Variants in SOX5 observed in about 807,000 individuals in gnomAD.
SOX5 encodes transcription factor SOX-5.
In SOX5, 9 loss-of-function variants were observed where a neutral mutation model predicts 92.0. The observed-to-expected ratio is 0.10, with a 90% confidence interval of 0.06 to 0.17. The LOEUF (loss-of-function observed/expected upper bound fraction) is 0.17. SOX5 is among the 10% of genes least tolerant of loss of function. The pLI is 1.00. For missense variants in SOX5, 642 were observed against 944.5 expected, an observed-to-expected ratio of 0.68 and a Z score of 4.20; for synonymous variants, 344 against 336.3, an observed-to-expected ratio of 1.02 and a Z score of -0.25.
At chr12:24,219,168 A>AG (rs1348508368) in intron 3 of SOX5, among the ~76,000 whole-genome samples, 1 of 152,060 alleles carries the variant, frequency 6.6e-6, no homozygotes, top group African/African-American at 2.4e-5. Flanking sequence ...ATTTTGAAAG[A>AG]GGGGGAATAA....
chr12:23,668,550 T>C (rs1454857708), intron 6 of SOX5, among the ~76,000 whole-genome samples: 2 of 152,208 alleles, frequency 1.3e-5, no homozygotes, highest in Non-Finnish European at 2.9e-5. Flanking sequence ...GGTTAGTAAT[T>C]CATTCTATAT....
chr12:24,304,588 T>C (rs1229419512), intron 2 of SOX5, among the ~76,000 whole-genome samples: 4 of 152,142 alleles, frequency 2.6e-5, no homozygotes, highest in African/African-American at 9.7e-5. Context: ...CACTGGTGTT[T>C]TGCAGACCTC....
intron 3 of SOX5, among the ~76,000 whole-genome samples, chr12:23,801,031 A>C (rs1361917673): frequency 6.6e-6 from 1 of 152,060 alleles, no homozygotes; most frequent in East Asian, 1.9e-4. Flanking sequence ...AAAACACTAT[A>C]CTGTTGCAGC....
intron 2 of SOX5, among the ~76,000 whole-genome samples, chr12:24,302,713 T>C (rs1948122251): frequency 6.6e-6 from 1 of 152,050 alleles, no homozygotes; most frequent in Admixed American, 6.5e-5. Context: ...GAAAAATGAA[T>C]GGCCAAGGAT....
intron 1 of SOX5, among the ~76,000 whole-genome samples, chr12:23,945,351 C>G (rs185669709): frequency 6.6e-6 from 1 of 152,126 alleles, no homozygotes; most frequent in Non-Finnish European, 1.5e-5. Context: ...TAAGGACACA[C>G]CAATATGTGA....
chr12:24,258,044 GCA>G (rs1941505467), intron 3 of SOX5, among the ~76,000 whole-genome samples: 1 of 152,040 alleles, frequency 6.6e-6, no homozygotes. Context: ...GCGGTGGCGG[GCA>G]CCTGTAGTCC....
At chr12:23,791,395 G>A (rs1163823552) in intron 3 of SOX5, among the ~76,000 whole-genome samples, 1 of 152,114 alleles carries the variant, frequency 6.6e-6, no homozygotes. Flanking sequence ...TCAAATTGTA[G>A]GGCTCAAGGG....
At chr12:24,100,204 C>T (rs547998249) in intron 4 of SOX5, among the ~76,000 whole-genome samples, 2 of 152,206 alleles carry the variant, frequency 1.3e-5, no homozygotes, top group Admixed American at 6.5e-5. Context: ...AACAACACTT[C>T]CTTTGATCTC....
intron 4 of SOX5, among the ~76,000 whole-genome samples, chr12:24,125,328 A>C (rs1949009320): frequency 6.6e-6 from 1 of 152,106 alleles, no homozygotes; most frequent in Non-Finnish European, 1.5e-5. Flanking sequence ...CCTGAATCCC[A>C]ATCACTCCCA....
chr12:24,185,427 C>T (rs1422596400), intron 4 of SOX5, among the ~76,000 whole-genome samples: 1 of 152,180 alleles, frequency 6.6e-6, no homozygotes, highest in Non-Finnish European at 1.5e-5. Context: ...TATACACTTC[C>T]TCTTCATAGC....
At chr12:24,077,397 T>C (rs1337577435) in intron 4 of SOX5, among the ~76,000 whole-genome samples, 1 of 152,162 alleles carries the variant, frequency 6.6e-6, no homozygotes, top group Non-Finnish European at 1.5e-5. Flanking sequence ...TTCCAAAGGC[T>C]GCATCTTTAA....
intron 4 of SOX5, among the ~76,000 whole-genome samples, chr12:24,089,054 C>A (rs989043289): frequency 6.6e-6 from 1 of 152,046 alleles, no homozygotes; most frequent in Non-Finnish European, 1.5e-5. Flanking sequence ...TTATATACTC[C>A]TGGTTGCAAA....
chr12:24,555,051 C>CA (rs1307820381), intron 1 of SOX5, among the ~76,000 whole-genome samples: 1 of 152,216 alleles, frequency 6.6e-6, no homozygotes, highest in African/African-American at 2.4e-5. Flanking sequence ...TGGCAGTGAT[C>CA]AAATCTAAGG....
chr12:23,767,566 G>T (rs2094779284), intron 3 of SOX5, among the ~76,000 whole-genome samples: 1 of 152,110 alleles, frequency 6.6e-6, no homozygotes, highest in Non-Finnish European at 1.5e-5. Flanking sequence ...AAACAAAATA[G>T]TCTATGTACC....
chr12:24,307,188 C>T (rs960272107), intron 2 of SOX5, among the ~76,000 whole-genome samples: 9 of 152,108 alleles, frequency 5.9e-5, no homozygotes, highest in African/African-American at 1.7e-4. Context: ...TCACACACGT[C>T]GTCTCATTTC....
intron 2 of SOX5, among the ~76,000 whole-genome samples, chr12:24,281,248 A>C (rs952833880): frequency 6.6e-6 from 1 of 151,756 alleles, no homozygotes; most frequent in Admixed American, 6.6e-5. Context: ...AAAAAAAAAA[A>C]AAAAAAAAAC....
intron 6 of SOX5, among the ~76,000 whole-genome samples, chr12:23,701,156 T>C (rs1177050345): frequency 1.3e-5 from 2 of 152,020 alleles, no homozygotes; most frequent in African/African-American, 4.8e-5. Context: ...GTTATAACCC[T>C]TAATTACTGC....
intron 2 of SOX5, among the ~76,000 whole-genome samples, chr12:24,316,055 G>A (rs1394688846): frequency 6.6e-6 from 1 of 152,188 alleles, no homozygotes; most frequent in Non-Finnish European, 1.5e-5. Flanking sequence ...GCCTCTGCAG[G>A]CACAGCCATG....
chr12:24,549,572 A>G (rs1267741582), intron 1 of SOX5, among the ~76,000 whole-genome samples: 2 of 152,230 alleles, frequency 1.3e-5, no homozygotes, highest in Admixed American at 6.5e-5. Context: ...GCTTTTGTGC[A>G]CTGGCATGGC....
Sources: gnomAD v4.1 joint callset for allele counts (sites outside exome capture counted in the v4.1 genomes callset) on GRCh38, gnomAD v4.1.1 for gene constraint, MANE v1.5 for transcripts, NCBI Gene and HGNC (gene_info 2026-07-23, HGNC 2026-07-21) for gene names.